The following CTNNA1 variants were observed in gnomAD, a reference collection of about 807,000 sequenced individuals.
CTNNA1 encodes catenin alpha-1.
Under a neutral mutation model 98.4 loss-of-function variants are expected in CTNNA1, and 37 were observed. That is an observed-to-expected ratio of 0.38 (90% CI 0.29 to 0.49). CTNNA1 has a LOEUF of 0.49. Among genes scored for constraint, CTNNA1 ranks in the 20% least tolerant of loss-of-function variants. The probability of loss-of-function intolerance (pLI) is 0.95; values close to 1 mark genes in which losing one functional copy is unlikely to be tolerated. For synonymous variants in CTNNA1, 404 were observed against 413.2 expected, an observed-to-expected ratio of 0.98 and a Z score of 0.27; for missense variants, 761 against 1,147.2, an observed-to-expected ratio of 0.66 and a Z score of 4.86.
chr5:138,781,764 A>T (rs186955606), intron 1 of CTNNA1, among the ~76,000 whole-genome samples, 159 bp from the exon 2 acceptor site: 1 of 152,236 alleles, frequency 6.6e-6, no homozygotes, highest in Admixed American at 6.5e-5. Flanking sequence ...AAGAGGTTGT[A>T]AGGTTTACTG....
chr5:138,753,604 CGCGGGCGGGCGA>C, intron 1 of CTNNA1, 94 bp downstream of exon 1: 1 of 332,602 alleles, frequency 3.0e-6, no homozygotes, highest in Non-Finnish European at 5.4e-6. Context: ...CCCCGCGAGC[CGCGGGCGGGCGA>C]GCGGGCGGGG....
At chr5:138,777,141 C>T (rs866567054) in intron 1 of CTNNA1, among the ~76,000 whole-genome samples, 422 of 150,834 alleles carry the variant, frequency 2.8e-3, no homozygotes, top group South Asian at 0.011. Flanking sequence ...ACTTCTCAGA[C>T]GGGGCGGCTG....
In CTNNA1 at chr5:138,827,568, C is replaced by T. The variant is rs1205317649; in HGVS notation, c.912C>T (p.Ser304=). ...LSFSEERFRP[S]LEERLESIIS... ...TCAGCGAGGAGCGCTTTAGGCCTTC[C>T]CTGGAGGAGCGTCTGGAAAGCATCA... Residue 304 remains serine, a synonymous_variant, in exon 7 of 18, where the codon TCC becomes TCT. Coordinates refer to ENST00000302763, the MANE Select transcript of CTNNA1 (RefSeq NM_001903.5). 6.2e-7 allele frequency: 1 copy of T among 1,614,204 alleles called. No individual in the cohort carries two copies. Among genetic ancestry groups the T allele is most frequent in the Non-Finnish European group, 8.5e-7 (1 of 1,180,040 alleles).
chr5:138,896,633 G>A (rs576016022), intron 9 of CTNNA1, among the ~76,000 whole-genome samples: 1 of 152,228 alleles, frequency 6.6e-6, no homozygotes, highest in South Asian at 2.1e-4. Flanking sequence ...TGGGCTGGAT[G>A]GCTCTTCCCT....
At chr5:138,851,170 T>C (rs1246557946) in intron 7 of CTNNA1, among the ~76,000 whole-genome samples, 1 of 152,194 alleles carries the variant, frequency 6.6e-6, no homozygotes, top group East Asian at 1.9e-4. Context: ...GAACATATCA[T>C]GGATGACAGG....
At chr5:138,886,496 C>G (rs1561653895) in intron 8 of CTNNA1, among the ~76,000 whole-genome samples, 1 of 152,114 alleles carries the variant, frequency 6.6e-6, no homozygotes, top group Non-Finnish European at 1.5e-5. Flanking sequence ...TACAGTCTCA[C>G]TGTGTTGGAC....
intron 9 of CTNNA1, among the ~76,000 whole-genome samples, chr5:138,896,186 TA>T (rs1373376892): frequency 6.6e-6 from 1 of 152,198 alleles, no homozygotes; most frequent in African/African-American, 2.4e-5. Flanking sequence ...CCCCTGTGTG[TA>T]CACAGTGTCA....
chr5:138,754,248 ATTG>A (rs980190125), intron 1 of CTNNA1: 8 of 144,514 alleles, frequency 5.5e-5, no homozygotes, highest in South Asian at 2.3e-4. Flanking sequence ...TTTTTTTTTA[ATTG>A]TTGTTGACTT....
chr5:138,924,360 C>A, intron 11 of CTNNA1, 150 bp from the exon 12 acceptor site: 1 of 629,712 alleles, frequency 1.6e-6, no homozygotes. Context: ...GTCTCTGTCA[C>A]TAGTCACTGG....
At chr5:138,886,086 T>C in intron 7 of CTNNA1, 126 bp from the exon 8 acceptor site, 1 of 1,035,510 alleles carries the variant, frequency 9.7e-7, no homozygotes, top group Non-Finnish European at 1.4e-6. Flanking sequence ...TCCCCAGTAT[T>C]TTCCAACTTT....
chr5:138,860,842 C>G (rs1255783259), intron 7 of CTNNA1, among the ~76,000 whole-genome samples: 1 of 152,172 alleles, frequency 6.6e-6, no homozygotes, highest in East Asian at 1.9e-4. Flanking sequence ...TTTGCACACA[C>G]TGGCTTGCAG....
intron 6 of CTNNA1, among the ~76,000 whole-genome samples, chr5:138,825,024 T>C (rs1760499491): frequency 6.6e-6 from 1 of 152,206 alleles, no homozygotes; most frequent in Non-Finnish European, 1.5e-5. Flanking sequence ...CTGGATTCTT[T>C]TATGTAGCTT....
rs1750860717 is a variant in CTNNA1 at position 138,873,248 on chromosome 5, A to G, written c.1063-12964A>G. On this transcript the variant is annotated intron_variant, in intron 7 of 17. Coordinates refer to ENST00000302763, the MANE Select transcript of CTNNA1 (RefSeq NM_001903.5). The surrounding 1 kb of genome is among the most constrained non-coding windows in gnomAD (Gnocchi z 6.1). ...CTTCCTGGAGATGAACACTATAAAA[A>G]TAATAAAAAAGAAAGAAAACAATAA... The G allele has an allele frequency of 6.2e-7, 1 of 1,613,800 alleles. No individual in the cohort carries two copies. The highest frequency in any genetic ancestry group is 8.5e-7 in the Non-Finnish European group (1 of 1,179,752).
chr5:138,865,819 C>T (rs1312306761), intron 7 of CTNNA1, among the ~76,000 whole-genome samples: 1 of 152,110 alleles, frequency 6.6e-6, no homozygotes, highest in Non-Finnish European at 1.5e-5. Flanking sequence ...CTATTCTGTA[C>T]ATAGTTTTAT....
intron 1 of CTNNA1, among the ~76,000 whole-genome samples, chr5:138,765,615 A>G (rs1397080374): frequency 6.6e-6 from 1 of 152,158 alleles, no homozygotes; most frequent in Non-Finnish European, 1.5e-5. Flanking sequence ...ACCCCAGGAA[A>G]TTTATGAACT....
chr5:138,889,270 G>A (rs1425872034), intron 9 of CTNNA1, among the ~76,000 whole-genome samples: 2 of 152,166 alleles, frequency 1.3e-5, no homozygotes, highest in African/African-American at 2.4e-5. Context: ...GTCTGTATTG[G>A]AGCATCCTTT....
chr5:138,864,689 T>C (rs1185413980), intron 7 of CTNNA1, among the ~76,000 whole-genome samples: 2 of 152,362 alleles, frequency 1.3e-5, no homozygotes, highest in African/African-American at 2.4e-5. Context: ...GAATCAGTTA[T>C]GTTCGATTGC....
chr5:138,777,065 G>T (rs1393417204), intron 1 of CTNNA1, among the ~76,000 whole-genome samples: 8 of 151,760 alleles, frequency 5.3e-5, no homozygotes, highest in Non-Finnish European at 1.2e-4. Flanking sequence ...CCCAGACGGG[G>T]TGGCTGCCGG....
intron 6 of CTNNA1, among the ~76,000 whole-genome samples, chr5:138,825,728 T>C (rs1760648969): frequency 6.6e-6 from 1 of 152,150 alleles, no homozygotes; most frequent in Non-Finnish European, 1.5e-5. Context: ...CTTGTTGATA[T>C]GCATGGCCGA....
Sources: gnomAD v4.1 joint callset for allele counts (sites outside exome capture counted in the v4.1 genomes callset) on GRCh38, gnomAD v4.1.1 for gene constraint, Gnocchi (gnomAD v3.1) non-coding constraint, MANE v1.5 for transcripts, NCBI Gene and HGNC (gene_info 2026-07-23, HGNC 2026-07-21) for gene names.